The following SET variants were observed in gnomAD, a reference collection of about 807,000 sequenced individuals.
SET encodes protein SET.
In SET, 4 loss-of-function variants were observed where a neutral mutation model predicts 39.0. The ratio of observed to expected loss-of-function variants is 0.10; its 90% CI spans 0.05 to 0.23. The LOEUF (loss-of-function observed/expected upper bound fraction) is 0.23, where lower values mean the gene tolerates loss of function less well. Among genes scored for constraint, SET ranks in the 10% least tolerant of loss-of-function variants. The pLI is 1.00. For synonymous variants in SET, 114 were observed against 115.9 expected (o/e 0.98, Z 0.11); for missense variants, 137 against 329.7 (o/e 0.42, Z 4.53).
chr9:128,692,957 C>T lies in SET; in HGVS notation c.468C>T (p.Thr156=), dbSNP rs752017523. Residue 156 remains threonine (T), a synonymous_variant, in exon 5 of 8, where the codon ACC becomes ACT. Coordinates refer to ENST00000322030, the MANE Select transcript of SET (RefSeq NM_003011.4). The part of the protein sequence containing the change: ...NESGDPSSKS[T]EIKWKSGKDL... ...GTGGTGATCCATCTTCGAAGTCCAC[C>T]GAAATCAAATGGAAATCTGGAAAGG... 1.1e-5 allele frequency: 17 copies of T among 1,597,898 alleles called. No homozygotes were observed. Among genetic ancestry groups the T allele is most frequent in the Non-Finnish European group, 1.4e-5 (16 of 1,166,594 alleles).
chr9:128,684,323 C>T (rs1589448917), upstream of SET, among the ~76,000 whole-genome samples: 3 of 152,112 alleles, frequency 2.0e-5, no homozygotes, highest in East Asian at 5.8e-4. Context: ...CCCTCCTTCA[C>T]CCCTCCACAT....
Position 128,689,559 on chromosome 9 carries a change from C to A in SET, c.-24C>A. 2 of 1,315,662 alleles carry A rather than the reference C, an allele frequency of 1.5e-6. No individual in the cohort carries two copies. Among genetic ancestry groups the A allele is most frequent in the Non-Finnish European group, 2.0e-6 (2 of 1,003,158 alleles). 81.5% of individuals were successfully genotyped at this position (1,315,662 alleles called of 1,614,324 possible). On this transcript the variant is annotated 5_prime_UTR_variant, in exon 1 of 8. Coordinates refer to ENST00000322030, the MANE Select transcript of SET (RefSeq NM_003011.4). ...TTCCCTTCTCTCCCCCTCCCCGCTC[C>A]CCCCCCGACCGCGGAGCAGCACCAT...
At chr9:128,691,814 T>C in intron 2 of SET, 44 bp from the exon 3 acceptor site, 1 of 1,555,906 alleles carries the variant, frequency 6.4e-7, no homozygotes. Context: ...TTTTTTAATT[T>C]GTTAAATACT....
chr9:128,683,579 C>T (rs770440414), upstream of SET: 24 of 286,514 alleles, frequency 8.4e-5, no homozygotes, highest in South Asian at 1.1e-3. Context: ...GGGGGTTTCA[C>T]GTGAAACCAG....
upstream of SET, among the ~76,000 whole-genome samples, chr9:128,687,979 G>A (rs112046659): frequency 0.046 from 6,984 of 152,300 alleles, 510 homozygotes; most frequent in African/African-American, 0.16. Flanking sequence ...CACTTTGGGA[G>A]GACGAGGTGA....
chr9:128,686,524 ACT>A (rs1233942621), upstream of SET, among the ~76,000 whole-genome samples: 8 of 152,100 alleles, frequency 5.3e-5, no homozygotes, highest in Non-Finnish European at 1.2e-4. Flanking sequence ...TCTCAGACAG[ACT>A]CAGCCCAGGA....
In SET at chr9:128,694,628, CT is replaced by C; in HGVS notation, c.811-8del. 2.6e-6 allele frequency: 4 copies of C among 1,568,162 alleles called. No individual in the cohort carries two copies. The highest frequency in any genetic ancestry group is 2.3e-5 in the East Asian group (1 of 42,674). ...ATTAATCCTGAAGATTAACTGCCCACTTTTTCTTTCAGGAGGATGAAGGAGA... is the reference window on the plus strand; with the variant it reads ...ATTAATCCTGAAGATTAACTGCCCACTTTTCTTTCAGGAGGATGAAGGAGA... On this transcript the variant is annotated splice_polypyrimidine_tract_variant and intron_variant, in intron 7 of 7. Coordinates refer to ENST00000322030, the MANE Select transcript of SET (RefSeq NM_003011.4).
intron 1 of SET, chr9:128,689,995 T>G (rs1861460700): frequency 2.0e-6 from 2 of 1,005,060 alleles, no homozygotes; most frequent in Non-Finnish European, 2.4e-6. Context: ...CCATGATGCC[T>G]CGCTCCCATC....
chr9:128,695,629 C>A lies in SET; in HGVS notation c.*965C>A, dbSNP rs753186197. The A allele has an allele frequency of 6.2e-5, 14 of 224,882 alleles. No homozygotes were observed. The highest frequency in any genetic ancestry group is 9.8e-5 in the Non-Finnish European group (11 of 111,946). The allele number at this position is 224,882 out of a possible 1,614,324, so 13.9% of individuals were successfully genotyped here. A position where few individuals can be genotyped will look rare whatever the true frequency, so the allele number is the denominator to read the frequency against. The stretch of plus-strand genomic sequence containing the variant: ...CTGTCAAACTTTGTCACCCTAACTT[C>A]GTATTTTTTGATACGCACTTTGCAG... On this transcript the variant is annotated 3_prime_UTR_variant, in exon 8 of 8. Transcript: ENST00000322030.
At chr9:128,685,114 G>A, upstream of SET, 1 of 1,557,452 alleles carries the variant, frequency 6.4e-7, no homozygotes, top group East Asian at 2.4e-5. Context: ...CTACCTCAGG[G>A]CTCAGTGTGG....
chr9:128,695,925 T>C lies in SET; in HGVS notation c.*1261T>C, dbSNP rs1461218154. 1 of 227,102 alleles carries C rather than the reference T, an allele frequency of 4.4e-6. No homozygotes were observed. The highest frequency in any genetic ancestry group is 2.2e-5 in the African/African-American group (1 of 45,148). 14.1% of individuals were successfully genotyped at this position (227,102 alleles called of 1,614,324 possible). Reference sequence around the variant, plus strand: ...GACCTGGTGCTCTAATGCCAAGTTATACACGGGACAGTTGCTGGCATGTCT... The same window carrying C: ...GACCTGGTGCTCTAATGCCAAGTTACACACGGGACAGTTGCTGGCATGTCT... On this transcript the variant is annotated 3_prime_UTR_variant, in exon 8 of 8. Coordinates refer to ENST00000322030, the MANE Select transcript of SET (RefSeq NM_003011.4).
rs1589458852 is a variant in SET at position 128,691,963 on chromosome 9, A to C, written c.237A>C (p.Pro79=). The C allele has an allele frequency of 4.3e-6, 7 of 1,613,946 alleles. No homozygotes were observed. The African/African-American group carries it at 5.3e-5, about 12-fold the overall frequency. ...GGTCAGAATTGATCGCCAAAATCCC[A>C]AATTTTTGGGTAACAACATTTGTCA... ...QKRSELIAKI[P]NFWVTTFVNH... Residue 79 remains proline, a synonymous_variant, in exon 3 of 8, where the codon CCA becomes CCC. Coordinates refer to ENST00000322030, the MANE Select transcript of SET (RefSeq NM_003011.4).
At chr9:128,683,729 G>A (rs1861191860) in exon 1 of SET, 3 of 556,376 alleles carry the variant, frequency 5.4e-6, no homozygotes, top group Admixed American at 3.4e-5. Context: ...GATGAGGCTG[G>A]GGGAGGGGGC....
rs201363886 is a variant in SET, at chr9:128,694,758, T to TCC, written c.*96_*97dup. ...TCTTTTTTTTTTTTTTTTTTTTTTT[T>TCC]CCCTCTTGTGCTCAGTCGCCCTGTT... On this transcript the variant is annotated 3_prime_UTR_variant, in exon 8 of 8. Transcript: ENST00000322030. 2 of 541,916 alleles carry TCC rather than the reference T, an allele frequency of 3.7e-6. No individual in the cohort carries two copies. Among genetic ancestry groups the TCC allele is most frequent in the African/African-American group, 2.6e-5 (1 of 38,800 alleles). 33.6% of individuals were successfully genotyped at this position (541,916 alleles called of 1,614,324 possible).
upstream of SET, among the ~76,000 whole-genome samples, chr9:128,687,155 C>G (rs919939248): frequency 3.4e-5 from 5 of 147,246 alleles, no homozygotes; most frequent in Admixed American, 3.4e-4. Flanking sequence ...GTCGGGAGTT[C>G]GAGACCAGCC....
At chr9:128,686,665 C>G (rs926976321), upstream of SET, among the ~76,000 whole-genome samples, 1 of 152,124 alleles carries the variant, frequency 6.6e-6, no homozygotes, top group South Asian at 2.1e-4. Context: ...GTACTTCTGA[C>G]TGTTGGTCAC....
In SET at chr9:128,696,085, A is replaced by G. The variant is rs1426906969; in HGVS notation, c.*1421A>G. The G allele has an allele frequency of 1.3e-5, 3 of 222,976 alleles. No homozygotes were observed. Among genetic ancestry groups the G allele is most frequent in the Non-Finnish European group, 2.7e-5 (3 of 110,736 alleles). 13.8% of individuals were successfully genotyped at this position (222,976 alleles called of 1,614,324 possible). ...TGAATCTGGGTGGGATAATGGACTC[A>G]GCTCTGTCTGCTCAATGCCATTGTG... On this transcript the variant is annotated 3_prime_UTR_variant, in exon 8 of 8. Coordinates refer to ENST00000322030, the MANE Select transcript of SET (RefSeq NM_003011.4).
Position 128,691,157 on chromosome 9 carries a change from TC to T in SET, c.74-11del. ...TTTATCTTAGAATTAAGTTTTTTGC[TC>T]CTTTTTTGCAGAAAAAGAACAGCAA... On this transcript the variant is annotated splice_polypyrimidine_tract_variant and intron_variant, in intron 1 of 7. Transcript: ENST00000322030. 1 of 1,598,826 alleles carries T rather than the reference TC, an allele frequency of 6.3e-7. No homozygotes were observed. Among genetic ancestry groups the T allele is most frequent in the Non-Finnish European group, 8.5e-7 (1 of 1,171,498 alleles).
In SET at chr9:128,694,651, GAGA is replaced by G. The variant is rs746935138; in HGVS notation, c.825_827del (p.Glu275del). 5.1e-6 allele frequency: 8 copies of G among 1,580,954 alleles called. No individual in the cohort carries two copies. Among genetic ancestry groups the G allele is most frequent in the African/African-American group, 1.4e-5 (1 of 72,562 alleles). Reference sequence around the variant, plus strand: ...CACTTTTTCTTTCAGGAGGATGAAGGAGAAGATGACTAAATAGAACACTGATGG... The same window carrying G: ...CACTTTTTCTTTCAGGAGGATGAAGGAGATGACTAAATAGAACACTGATGG... On this transcript the variant is annotated inframe_deletion, in exon 8 of 8. Coordinates refer to ENST00000322030, the MANE Select transcript of SET (RefSeq NM_003011.4).
Sources: gnomAD v4.1 joint callset for allele counts (sites outside exome capture counted in the v4.1 genomes callset) on GRCh38, gnomAD v4.1.1 for gene constraint, MANE v1.5 for transcripts, NCBI Gene and HGNC (gene_info 2026-07-23, HGNC 2026-07-21) for gene names.